RASA3: variants seen among roughly 807,000 people sequenced by gnomAD.
The protein encoded by RASA3 is ras GTPase-activating protein 3.
A neutral mutation model predicts 110.0 loss-of-function variants in RASA3; 73 were observed. The observed-to-expected ratio is 0.66, with a 90% CI of 0.55 to 0.81. The LOEUF (loss-of-function observed/expected upper bound fraction) is 0.81, where lower values mean the gene tolerates loss of function less well. RASA3 is among the 30% of genes least tolerant of loss of function. The pLI, the probability that RASA3 is intolerant of heterozygous loss-of-function variation, is 0.00. For synonymous variants in RASA3, 500 were observed against 451.4 expected (o/e 1.11, Z -1.37); for missense variants, 976 against 1,113.2 (o/e 0.88, Z 1.75).
intron 1 of RASA3, among the ~76,000 whole-genome samples, chr13:114,107,244 C>T (rs1268893665): frequency 6.6e-6 from 1 of 152,054 alleles, no homozygotes; most frequent in Admixed American, 6.6e-5. Flanking sequence ...GTCCCACGTT[C>T]GTGTCCTGGT....
chr13:114,013,475 C>T (rs1443875227), intron 14 of RASA3, among the ~76,000 whole-genome samples: 11 of 149,752 alleles, frequency 7.3e-5, no homozygotes, highest in Admixed American at 3.3e-4. Context: ...CTCCCTGTCT[C>T]TCTCCGTATC....
rs1048614957 is a variant in RASA3 at position 114,009,572 on chromosome 13, CA to C, written c.1591-109del. 6.5e-6 allele frequency: 5 copies of C among 768,976 alleles called. No homozygotes were observed. The African/African-American group carries it at 7.0e-5, about 11-fold the overall frequency. The allele number at this position is 768,976 out of a possible 1,614,324, so 47.6% of individuals were successfully genotyped here. ...CTGTCCAAGCCTAAATGACGATAAACAGGCAAAGAACCCGGTGTTACCGGGC... is the reference window on the plus strand; with the variant it reads ...CTGTCCAAGCCTAAATGACGATAAACGGCAAAGAACCCGGTGTTACCGGGC... On this transcript the variant is annotated intron_variant, in intron 16 of 23. Transcript: ENST00000334062.
intron 1 of RASA3, among the ~76,000 whole-genome samples, chr13:114,088,778 G>T (rs557473212): frequency 2.6e-5 from 4 of 152,112 alleles, no homozygotes; most frequent in Non-Finnish European, 5.9e-5. Flanking sequence ...TTGAACTCCC[G>T]ACCTCAGGTG....
chr13:113,977,924 G>C lies in RASA3; in HGVS notation c.*1423C>G, dbSNP rs1324841611. 6.6e-6 allele frequency: 1 copy of C among 152,354 alleles called. No individual in the cohort carries two copies. The highest frequency in any genetic ancestry group is 1.5e-5 in the Non-Finnish European group (1 of 68,046). The allele number at this position is 152,354 out of a possible 1,614,324, so 9.4% of individuals were successfully genotyped here. ...AGCCCCAACAGCTGTGTGTCCAAAAGTCTATTTTTACAACATTTTCCTCCA... is the reference window on the plus strand; with the variant it reads ...AGCCCCAACAGCTGTGTGTCCAAAACTCTATTTTTACAACATTTTCCTCCA... On this transcript the variant is annotated 3_prime_UTR_variant, in exon 24 of 24. Transcript: ENST00000334062.
chr13:114,114,918 C>G lies in RASA3; in HGVS notation c.55+17517G>C, dbSNP rs1260439233. 6.6e-6 allele frequency among the ~76,000 whole-genome samples: 1 copy of G among 152,068 alleles called. No individual in the cohort carries two copies. The highest frequency in any genetic ancestry group is 6.5e-5 in the Admixed American group (1 of 15,272). On this transcript the variant is annotated intron_variant, in intron 1 of 23. Coordinates refer to ENST00000334062, the MANE Select transcript of RASA3 (RefSeq NM_007368.4). The surrounding 1 kb of genome is among the most constrained non-coding windows in gnomAD (Gnocchi z 4.8). ...AGCTGGGAAATTCCCGGGCACGACC[C>G]CTGGCCGTGGGTGAAAGCACCCCCA...
intron 1 of RASA3, among the ~76,000 whole-genome samples, chr13:114,116,325 A>C (rs9525272): frequency 4.0e-5 from 6 of 151,746 alleles, no homozygotes; most frequent in Non-Finnish European, 8.8e-5. Context: ...TACCGTCCTC[A>C]CTATTAACCT....
intron 22 of RASA3, among the ~76,000 whole-genome samples, chr13:113,982,681 C>T (rs1162805355): frequency 6.6e-6 from 1 of 152,248 alleles, no homozygotes; most frequent in Non-Finnish European, 1.5e-5. Context: ...AATGTTTGTG[C>T]CCCCAAATCT....
intron 2 of RASA3, 66 bp downstream of exon 2, chr13:114,073,654 C>T (rs1210991349): frequency 7.7e-7 from 1 of 1,295,090 alleles, no homozygotes; most frequent in African/African-American, 1.5e-5. Flanking sequence ...GTGACGTACA[C>T]CCTTGGGACA....
At chr13:114,001,867 G>A (rs934464081) in intron 18 of RASA3, among the ~76,000 whole-genome samples, 2 of 152,282 alleles carry the variant, frequency 1.3e-5, no homozygotes, top group African/African-American at 4.8e-5. Flanking sequence ...GACCAAACCT[G>A]CCCCCTCAGG....
At chr13:114,005,803 CCTT>C (rs1429724873) in intron 18 of RASA3, among the ~76,000 whole-genome samples, 1 of 98,314 alleles carries the variant, frequency 1.0e-5, no homozygotes. Context: ...CCGGACACCA[CCTT>C]ACCCTTCTCC....
chr13:114,125,405 GA>G (rs1249612167), intron 1 of RASA3, among the ~76,000 whole-genome samples: 2 of 152,206 alleles, frequency 1.3e-5, no homozygotes, highest in Non-Finnish European at 2.9e-5. Flanking sequence ...GGTGAAGGGG[GA>G]GCAGGTGTCT....
intron 1 of RASA3, 63 bp from the exon 2 acceptor site, chr13:114,073,900 C>G (rs567429978): frequency 7.3e-7 from 1 of 1,364,946 alleles, no homozygotes; most frequent in Admixed American, 1.7e-5. Flanking sequence ...TGCTACATCG[C>G]AGACACGTTT....
At chr13:114,035,100 CTG>C (rs1206788672) in intron 4 of RASA3, among the ~76,000 whole-genome samples, 1 of 151,866 alleles carries the variant, frequency 6.6e-6, no homozygotes, top group Non-Finnish European at 1.5e-5. Flanking sequence ...AGCTGGGAGA[CTG>C]AGAAAAATGA....
At chr13:114,042,650 C>G (rs2054437291) in intron 3 of RASA3, among the ~76,000 whole-genome samples, 1 of 152,234 alleles carries the variant, frequency 6.6e-6, no homozygotes, top group Non-Finnish European at 1.5e-5. Flanking sequence ...TGCCTCACGC[C>G]AGGACAGCGC....
intron 1 of RASA3, among the ~76,000 whole-genome samples, chr13:114,087,695 A>G (rs1200420082): frequency 6.6e-6 from 1 of 152,226 alleles, no homozygotes; most frequent in Non-Finnish European, 1.5e-5. Flanking sequence ...TCCCGGGGCC[A>G]GCAGGGCGCC....
chr13:114,013,935 C>T (rs9562174), intron 14 of RASA3, among the ~76,000 whole-genome samples: 1,065 of 64,910 alleles, frequency 0.016, 63 homozygotes, highest in African/African-American at 0.061. Context: ...TCTCTCTCTC[C>T]CTGTCTCTAT....
Position 114,015,267 on chromosome 13 carries a change from C to G in RASA3, c.1347G>C (p.Pro449=), listed in dbSNP as rs546150726. Residue 449 remains proline, a synonymous_variant, in exon 14 of 24, where the codon CCG becomes CCC. Transcript: ENST00000334062. ...HAITESGVSC[P]TVMCDIFFSL... ...AGAAGAAGATGTCACACATGACGGT[C>G]GGGCAGCTCACCCCAGACTCAGTGA... is the stretch of plus-strand genomic sequence containing the variant. 6.2e-7 allele frequency: 1 copy of G among 1,613,126 alleles called. No individual in the cohort carries two copies. Among genetic ancestry groups the G allele is most frequent in the Non-Finnish European group, 8.5e-7 (1 of 1,179,976 alleles).
chr13:114,123,987 C>T (rs1218541415), intron 1 of RASA3, among the ~76,000 whole-genome samples: 2 of 152,200 alleles, frequency 1.3e-5, no homozygotes, highest in South Asian at 2.1e-4. Context: ...AGTCGTTCCT[C>T]GATCAATTCC....
chr13:114,036,698 C>T (rs1261782871), intron 4 of RASA3, among the ~76,000 whole-genome samples: 13 of 152,158 alleles, frequency 8.5e-5, no homozygotes, highest in African/African-American at 1.7e-4. Flanking sequence ...CCACCACGCC[C>T]GGCTAATTTT....
Sources: gnomAD v4.1 joint callset for allele counts (sites outside exome capture counted in the v4.1 genomes callset) on GRCh38, gnomAD v4.1.1 for gene constraint, Gnocchi (gnomAD v3.1) non-coding constraint, MANE v1.5 for transcripts, NCBI Gene and HGNC (gene_info 2026-07-23, HGNC 2026-07-21) for gene names.